The following SOX5 variants were observed in gnomAD, a reference collection of about 807,000 sequenced individuals.
SOX5 encodes the protein transcription factor SOX-5.
In SOX5, 9 loss-of-function variants were observed where a neutral mutation model predicts 92.0. The observed-to-expected ratio is 0.10, with a 90% CI of 0.06 to 0.17. The LOEUF (loss-of-function observed/expected upper bound fraction) is 0.17. Ranked by LOEUF, SOX5 falls within the 10% of genes least tolerant of loss-of-function variation. The pLI is 1.00. For missense variants in SOX5, 642 were observed against 944.5 expected (o/e 0.68, Z 4.20); for synonymous variants, 344 against 336.3 (o/e 1.02, Z -0.25).
chr12:24,080,687 G>T (rs1310777740), intron 4 of SOX5, among the ~76,000 whole-genome samples: 1 of 151,832 alleles, frequency 6.6e-6, no homozygotes, highest in African/African-American at 2.4e-5. Flanking sequence ...CCAAAATATT[G>T]TTTGCTGCAT....
chr12:23,597,845 C>A (rs928379961), intron 9 of SOX5, among the ~76,000 whole-genome samples: 1 of 152,158 alleles, frequency 6.6e-6, no homozygotes, highest in Non-Finnish European at 1.5e-5. Flanking sequence ...GAGATTCTAG[C>A]ATTTAAGTGA....
intron 13 of SOX5, among the ~76,000 whole-genome samples, chr12:23,540,740 G>A (rs1158288264): frequency 6.6e-6 from 1 of 152,158 alleles, no homozygotes; most frequent in African/African-American, 2.4e-5. Flanking sequence ...CCAGATTTTA[G>A]GGTATTATAA....
chr12:23,670,389 T>C (rs2084571772), intron 6 of SOX5, among the ~76,000 whole-genome samples: 1 of 151,960 alleles, frequency 6.6e-6, no homozygotes, highest in South Asian at 2.1e-4. Flanking sequence ...ATAGCAGCTG[T>C]AGAAAGATGT....
chr12:23,910,751 CT>C (rs1386904552), intron 1 of SOX5, among the ~76,000 whole-genome samples: 1 of 152,090 alleles, frequency 6.6e-6, no homozygotes, highest in Non-Finnish European at 1.5e-5. Flanking sequence ...TCGTACTGTC[CT>C]GTCAGTGATC....
chr12:24,016,207 A>G (rs1272925745), intron 4 of SOX5, among the ~76,000 whole-genome samples: 1 of 152,196 alleles, frequency 6.6e-6, no homozygotes, highest in African/African-American at 2.4e-5. Context: ...TGTCTGAATC[A>G]AGATTACAGC....
chr12:24,072,245 G>T (rs532743429), intron 4 of SOX5, among the ~76,000 whole-genome samples: 1 of 152,290 alleles, frequency 6.6e-6, no homozygotes, highest in South Asian at 2.1e-4. Flanking sequence ...TTCTTTCCTT[G>T]AGATGCGTGG....
intron 1 of SOX5, among the ~76,000 whole-genome samples, chr12:23,913,424 T>A (rs941807822): frequency 6.6e-6 from 1 of 152,030 alleles, no homozygotes; most frequent in African/African-American, 2.4e-5. Flanking sequence ...AGGCAAATAT[T>A]TGACGACTGT....
rs117653259 is a variant in SOX5, at chr12:24,473,599, T to G, written c.-251+88730A>C. Among the ~76,000 whole-genome samples the G allele has an allele frequency of 2.8e-3, 427 of 152,324 alleles. 13 individuals carry two copies. The East Asian group carries it at 0.03, about 11-fold the overall frequency. Reference sequence around the variant, plus strand: ...CAGAACTTTGAAAATGTTTTTAGGTTTTTTTGCTCCAGATCAAACAACCAA... The same window carrying G: ...CAGAACTTTGAAAATGTTTTTAGGTGTTTTTGCTCCAGATCAAACAACCAA... On this transcript the variant is annotated intron_variant, in intron 1 of 4. Coordinates refer to the SOX5 transcript ENST00000446891.
intron 2 of SOX5, among the ~76,000 whole-genome samples, chr12:24,329,136 T>A (rs1157996082): frequency 1.3e-5 from 2 of 152,234 alleles, no homozygotes; most frequent in Non-Finnish European, 2.9e-5. Context: ...GTTACTTTAG[T>A]TCACTACAAC....
At chr12:23,640,787 T>C in intron 8 of SOX5, 25 bp downstream of exon 8, 2 of 1,555,814 alleles carry the variant, frequency 1.3e-6, no homozygotes, top group Non-Finnish European at 1.8e-6. Context: ...AACCTTTGTC[T>C]CCTCTGTATT....
intron 2 of SOX5, among the ~76,000 whole-genome samples, chr12:24,306,630 C>G (rs184181108): frequency 6.6e-6 from 1 of 152,256 alleles, no homozygotes; most frequent in African/African-American, 2.4e-5. Flanking sequence ...GGAGAGGCAA[C>G]GCTGAGGCCA....
chr12:23,941,103 A>G (rs1038937220), intron 1 of SOX5, among the ~76,000 whole-genome samples: 5 of 151,404 alleles, frequency 3.3e-5, no homozygotes, highest in African/African-American at 1.2e-4. Context: ...CTTCATTAGA[A>G]TTTGGCAGGA....
At chr12:23,993,912 T>TGCATGC (rs1569436624) in intron 4 of SOX5, among the ~76,000 whole-genome samples, 1 of 148,338 alleles carries the variant, frequency 6.7e-6, no homozygotes, top group South Asian at 2.1e-4. Flanking sequence ...TGTATGTATG[T>TGCATGC]ATGCATGTAT....
At chr12:23,804,918 TA>T (rs2095736774) in intron 3 of SOX5, among the ~76,000 whole-genome samples, 6 of 4,032 alleles carry the variant, frequency 1.5e-3, no homozygotes, top group African/African-American at 3.9e-3. Flanking sequence ...CATTGTTTTA[TA>T]TATATATATA....
chr12:24,261,149 A>G (rs1942025467), intron 3 of SOX5, among the ~76,000 whole-genome samples: 1 of 150,084 alleles, frequency 6.7e-6, no homozygotes, highest in African/African-American at 2.5e-5. Context: ...GTAAAAGAAT[A>G]AGAAATACTA....
intron 4 of SOX5, among the ~76,000 whole-genome samples, chr12:24,102,104 G>C (rs1407772418): frequency 6.6e-6 from 1 of 152,076 alleles, no homozygotes; most frequent in Non-Finnish European, 1.5e-5. Flanking sequence ...ATACAGAATT[G>C]TTGTTTTGGC....
chr12:23,709,316 A>T (rs934318233), intron 6 of SOX5, among the ~76,000 whole-genome samples: 2 of 151,900 alleles, frequency 1.3e-5, no homozygotes, highest in Non-Finnish European at 2.9e-5. Context: ...TGCTGCCCAG[A>T]CTGGTCTCAC....
At chr12:23,777,937 C>T (rs974336507) in intron 3 of SOX5, among the ~76,000 whole-genome samples, 1 of 152,082 alleles carries the variant, frequency 6.6e-6, no homozygotes, top group African/African-American at 2.4e-5. Flanking sequence ...TCTCACTGTG[C>T]CAAGAGTGGG....
chr12:24,226,165 T>TA (rs1386371052), intron 3 of SOX5, among the ~76,000 whole-genome samples: 4 of 152,148 alleles, frequency 2.6e-5, no homozygotes, highest in Non-Finnish European at 5.9e-5. Context: ...TTAAAACATA[T>TA]ATAATATTCT....
Sources: gnomAD v4.1 joint callset for allele counts (sites outside exome capture counted in the v4.1 genomes callset) on GRCh38, gnomAD v4.1.1 for gene constraint, MANE v1.5 for transcripts, NCBI Gene and HGNC (gene_info 2026-07-23, HGNC 2026-07-21) for gene names.